Variants in IPCEF1 observed in about 807,000 individuals in gnomAD.
The protein encoded by IPCEF1 is interactor protein for cytohesin exchange factors 1.
IPCEF1 carries 31 observed loss-of-function variants against 50.9 expected under a neutral mutation model. That is an observed-to-expected ratio of 0.61 (90% confidence interval 0.46 to 0.82). The LOEUF is 0.82. Among genes scored for constraint, IPCEF1 ranks in the 40% least tolerant of loss-of-function variants. The pLI, the probability that IPCEF1 is intolerant of heterozygous loss-of-function variation, is 0.00. For synonymous variants in IPCEF1, 181 were observed against 192.0 expected, an observed-to-expected ratio of 0.94 and a Z score of 0.47; for missense variants, 458 against 514.0, an observed-to-expected ratio of 0.89 and a Z score of 1.05.
chr6:154,241,901 C>A (rs779512344), intron 5 of IPCEF1, among the ~76,000 whole-genome samples: 5 of 152,294 alleles, frequency 3.3e-5, no homozygotes, highest in South Asian at 4.1e-4. Context: ...CCCTAAGTCA[C>A]CTCTAAATGG....
chr6:154,278,021 G>A (rs989449924), intron 2 of IPCEF1, among the ~76,000 whole-genome samples: 19 of 151,626 alleles, frequency 1.3e-4, no homozygotes, highest in Admixed American at 9.2e-4. Context: ...TCTCCCTCCT[G>A]CCCTAGATAC....
intron 10 of IPCEF1, among the ~76,000 whole-genome samples, chr6:154,185,671 G>A (rs1046078883): frequency 6.6e-6 from 1 of 151,988 alleles, no homozygotes; most frequent in Admixed American, 6.6e-5. Context: ...CTTTTAATCC[G>A]GGGGTGTCCA....
intron 10 of IPCEF1, among the ~76,000 whole-genome samples, chr6:154,173,395 C>T (rs962032885): frequency 6.6e-6 from 1 of 152,028 alleles, no homozygotes; most frequent in Non-Finnish European, 1.5e-5. Flanking sequence ...CATGTTCTAA[C>T]CCATTGCAAG....
chr6:154,264,940 C>T (rs144131659), intron 3 of IPCEF1, among the ~76,000 whole-genome samples: 409 of 152,256 alleles, frequency 2.7e-3, no homozygotes, highest in African/African-American at 7.9e-3. Context: ...GTCAAGAAAC[C>T]ACAGTCTACA....
chr6:154,164,888 G>A (rs1358624423), intron 11 of IPCEF1, among the ~76,000 whole-genome samples: 2 of 152,134 alleles, frequency 1.3e-5, no homozygotes, highest in Non-Finnish European at 2.9e-5. Flanking sequence ...AACATAATAC[G>A]ATCAACTTTT....
chr6:154,203,768 C>T (rs559850015), intron 9 of IPCEF1, among the ~76,000 whole-genome samples: 1 of 152,242 alleles, frequency 6.6e-6, no homozygotes, highest in East Asian at 1.9e-4. Context: ...TTTTTTGCCT[C>T]TTGTTTGACA....
intron 7 of IPCEF1, among the ~76,000 whole-genome samples, chr6:154,218,530 C>A (rs186171351): frequency 6.6e-6 from 1 of 152,126 alleles, no homozygotes; most frequent in Non-Finnish European, 1.5e-5. Context: ...CTCCCTCCCC[C>A]ACACCTCTCA....
At chr6:154,250,265 A>AG (rs1162102295) in intron 3 of IPCEF1, among the ~76,000 whole-genome samples, 1 of 152,082 alleles carries the variant, frequency 6.6e-6, no homozygotes, top group East Asian at 1.9e-4. Context: ...AAAAAAAAAA[A>AG]AAGCAAGCAA....
intron 1 of IPCEF1, among the ~76,000 whole-genome samples, chr6:154,324,165 C>G (rs1302630892): frequency 6.6e-6 from 1 of 152,126 alleles, no homozygotes; most frequent in African/African-American, 2.4e-5. Context: ...CATTTCAAAC[C>G]AGCAGAGGCA....
At chr6:154,349,878 T>C (rs2128701484) in intron 1 of IPCEF1, among the ~76,000 whole-genome samples, 1 of 152,360 alleles carries the variant, frequency 6.6e-6, no homozygotes, top group East Asian at 1.9e-4. Flanking sequence ...TTTTTAGTTT[T>C]ACATAGATTA....
chr6:154,281,747 A>C (rs567333944), intron 2 of IPCEF1, among the ~76,000 whole-genome samples: 1 of 152,246 alleles, frequency 6.6e-6, no homozygotes, highest in Admixed American at 6.5e-5. Flanking sequence ...TCACGCCTGT[A>C]ATCTCAGCAC....
intron 2 of IPCEF1, among the ~76,000 whole-genome samples, chr6:154,284,434 A>G (rs1782306702): frequency 6.6e-6 from 1 of 152,190 alleles, no homozygotes. Context: ...GCCCCCAGGA[A>G]GACCTCCCAG....
chr6:154,333,892 C>T (rs1783732537), intron 1 of IPCEF1, among the ~76,000 whole-genome samples: 2 of 151,942 alleles, frequency 1.3e-5, no homozygotes, highest in African/African-American at 4.8e-5. Flanking sequence ...ATATCTCATA[C>T]AACATGCAAG....
At chr6:154,192,670 A>T (rs1285919447) in intron 10 of IPCEF1, among the ~76,000 whole-genome samples, 2 of 152,124 alleles carry the variant, frequency 1.3e-5, no homozygotes, top group Non-Finnish European at 2.9e-5. Context: ...AGGAAGAAAA[A>T]AAAATGACTT....
rs73567133 is a variant in IPCEF1 at position 154,193,653 on chromosome 6, A to C, written c.910+6015T>G. ...ACAAGAAGTTATAAGAAAGAGAAGA[A>C]AAATTGAAGACCCCTCTGATAACTT... On this transcript the variant is annotated intron_variant, in intron 10 of 11. Transcript: ENST00000367220. 3.2e-3 allele frequency among the ~76,000 whole-genome samples: 493 copies of C among 152,354 alleles called. 4 individuals carry two copies. The highest frequency in any genetic ancestry group is 0.012 in the African/African-American group (479 of 41,578).
intron 1 of IPCEF1, among the ~76,000 whole-genome samples, chr6:154,328,188 C>A (rs140329609): frequency 1.4e-4 from 21 of 152,108 alleles, no homozygotes; most frequent in Admixed American, 1.3e-3. Flanking sequence ...ATGTAACAAA[C>A]CTGCACATCC....
intron 10 of IPCEF1, among the ~76,000 whole-genome samples, chr6:154,186,986 GGATCCCT>G: frequency 6.6e-6 from 1 of 152,084 alleles, no homozygotes; most frequent in East Asian, 1.9e-4. Flanking sequence ...CTACATGATG[GGATCCCT>G]GCCCACTTCT....
At chr6:154,266,024 A>G in intron 2 of IPCEF1, 60 bp from the exon 3 acceptor site, 1 of 952,898 alleles carries the variant, frequency 1.0e-6, no homozygotes, top group African/African-American at 1.7e-5. Context: ...AAAAACATAT[A>G]TCTCTTTGAG....
chr6:154,306,132 C>T (rs1486812465), intron 1 of IPCEF1, among the ~76,000 whole-genome samples: 1 of 152,136 alleles, frequency 6.6e-6, no homozygotes, highest in East Asian at 1.9e-4. Context: ...CTCCTGCCTG[C>T]CCACCCCGAC....
Sources: allele counts gnomAD v4.1 joint callset (sites outside exome capture counted in the v4.1 genomes callset), GRCh38; gene constraint gnomAD v4.1.1; transcripts MANE v1.5; gene names NCBI Gene and HGNC (gene_info 2026-07-23, HGNC 2026-07-21).